The following FAM241B variants were observed in gnomAD, a reference collection of about 807,000 sequenced individuals.
FAM241B encodes protein FAM241B.
FAM241B carries 7 observed loss-of-function variants against 9.3 expected under a neutral mutation model. That is an observed-to-expected ratio of 0.75 (90% CI 0.43 to 1.41). FAM241B has a LOEUF of 1.41. FAM241B is among the 40% of genes most tolerant of loss of function. The pLI, the probability that FAM241B is intolerant of heterozygous loss-of-function variation, is 0.01. For missense variants in FAM241B, 136 were observed against 159.6 expected, an observed-to-expected ratio of 0.85 and a Z score of 0.80; for synonymous variants, 60 against 64.1, an observed-to-expected ratio of 0.94 and a Z score of 0.31.
Position 69,631,787 on chromosome 10 carries a change from AC to A in FAM241B, c.49del (p.Arg17GlufsTer2), listed in dbSNP as rs746144154. Reference protein sequence around the residue: ...LANGEIVQDDDPRVRTTTQPP... With the variant: ...LANGEIVQDDXPRVRTTTQPP... Reference sequence around the variant, plus strand: ...AATGGGGAAATCGTGCAGGATGACGACCCCCGAGTGAGGACCACTACCCAGC... The same window carrying A: ...AATGGGGAAATCGTGCAGGATGACGACCCCGAGTGAGGACCACTACCCAGC... On this transcript the variant is annotated frameshift_variant, in exon 3 of 4. Transcript: ENST00000373279. LOFTEE classifies it high-confidence loss of function. 6.8e-6 allele frequency: 11 copies of A among 1,612,780 alleles called. No individual in the cohort carries two copies. Among genetic ancestry groups the A allele is most frequent in the South Asian group, 1.1e-5 (1 of 90,508 alleles).
At chr10:69,632,372 C>T (rs1050748397) in intron 3 of FAM241B, among the ~76,000 whole-genome samples, 1 of 148,748 alleles carries the variant, frequency 6.7e-6, no homozygotes. Flanking sequence ...GCAGGAGAAT[C>T]GCTTGAACCT....
chr10:69,630,571 G>A (rs1839799768), intron 1 of FAM241B: 1 of 1,182,348 alleles, frequency 8.5e-7, no homozygotes, highest in Non-Finnish European at 1.1e-6. Flanking sequence ...TCAGGAGGGG[G>A]ACGCGCCTGT....
chr10:69,630,978 A>C (rs1315463396), intron 1 of FAM241B, among the ~76,000 whole-genome samples: 2 of 151,554 alleles, frequency 1.3e-5, no homozygotes, highest in African/African-American at 4.8e-5. Flanking sequence ...AGTGACCCTC[A>C]TCTCCCTGGG....
chr10:69,633,189 T>C lies in FAM241B; in HGVS notation c.*130T>C. The C allele has an allele frequency of 7.5e-7, 1 of 1,339,878 alleles. No homozygotes were observed. The highest frequency in any genetic ancestry group is 1.0e-6 in the Non-Finnish European group (1 of 972,626). 83.0% of individuals were successfully genotyped at this position (1,339,878 alleles called of 1,614,324 possible). ...TCAGAGAGGGGACCACAGGTGTGTG[T>C]TTCCCCTTTGTGTTAAGCGTGAGGC... On this transcript the variant is annotated 3_prime_UTR_variant, in exon 4 of 4. Transcript: ENST00000373279.
At position 69,633,076 on chromosome 10, in the gene FAM241B, G is replaced by A. The variant is rs769181998; in HGVS notation, c.*17G>A. ...CAGCGGTGACCTCTGAGGGCTGATA[G>A]GGGTGGGTTTGTTGAGAGGGACTTG... is the stretch of plus-strand genomic sequence containing the variant. On this transcript the variant is annotated 3_prime_UTR_variant, in exon 4 of 4. Transcript: ENST00000373279. The A allele has an allele frequency of 1.2e-6, 2 of 1,613,358 alleles. No homozygotes were observed. Among genetic ancestry groups the A allele is most frequent in the South Asian group, 2.2e-5 (2 of 91,068 alleles).
chr10:69,632,100 A>G (rs772520771), intron 3 of FAM241B, among the ~76,000 whole-genome samples: 3 of 152,084 alleles, frequency 2.0e-5, no homozygotes, highest in Non-Finnish European at 4.4e-5. Context: ...CTTTCTTTTA[A>G]GAGTGGGTTG....
chr10:69,631,249 G>A (rs970883197), intron 1 of FAM241B, among the ~76,000 whole-genome samples: 3 of 152,218 alleles, frequency 2.0e-5, no homozygotes, highest in Non-Finnish European at 2.9e-5. Context: ...TACCCTCCTC[G>A]GGGGAGTGTT....
At chr10:69,631,991 A>C in intron 3 of FAM241B, 152 bp downstream of exon 3, 1 of 965,872 alleles carries the variant, frequency 1.0e-6, no homozygotes, top group South Asian at 1.8e-5. Context: ...CTTATTGTCT[A>C]CCTCCCCAGA....
chr10:69,631,981 C>T (rs941090698), intron 3 of FAM241B, 142 bp downstream of exon 3: 14 of 582,490 alleles, frequency 2.4e-5, no homozygotes, highest in Non-Finnish European at 3.8e-5. Context: ...GATGCAGTGG[C>T]TTATTGTCTA....
chr10:69,631,329 A>G (rs1286400128), intron 1 of FAM241B, among the ~76,000 whole-genome samples, 151 bp from the exon 2 acceptor site: 1 of 152,256 alleles, frequency 6.6e-6, no homozygotes, highest in Non-Finnish European at 1.5e-5. Context: ...CAGAGGCTCT[A>G]GTCCCAGTTG....
In FAM241B at chr10:69,633,358, T is replaced by C; in HGVS notation, c.*299T>C. 2.3e-6 allele frequency: 1 copy of C among 443,090 alleles called. No individual in the cohort carries two copies. Among genetic ancestry groups the C allele is most frequent in the South Asian group, 2.7e-5 (1 of 36,452 alleles). The allele number at this position is 443,090 out of a possible 1,614,324, so 27.4% of individuals were successfully genotyped here. ...CCCTTCCCAATTCTCTCAATCCTTT[T>C]ATGCCGAGAAGATCTCAGCTGGATG... On this transcript the variant is annotated 3_prime_UTR_variant, in exon 4 of 4. Transcript: ENST00000373279.
chr10:69,633,167 G>A lies in FAM241B; in HGVS notation c.*108G>A. On this transcript the variant is annotated 3_prime_UTR_variant, in exon 4 of 4. Coordinates refer to ENST00000373279, the MANE Select transcript of FAM241B (RefSeq NM_145306.3). The stretch of plus-strand genomic sequence containing the variant: ...TGGTGGTGCCTTGAAGGTATGATCA[G>A]AGAGGGGACCACAGGTGTGTGTTTC... The A allele has an allele frequency of 9.0e-6, 13 of 1,451,348 alleles. No homozygotes were observed. Among genetic ancestry groups the A allele is most frequent in the Non-Finnish European group, 1.2e-5 (13 of 1,062,952 alleles). 89.9% of individuals were successfully genotyped at this position (1,451,348 alleles called of 1,614,324 possible).
rs755696472 is a variant in FAM241B, at chr10:69,631,515, A to G, written c.-68A>G. 5 of 1,539,058 alleles carry G rather than the reference A, an allele frequency of 3.2e-6. No individual in the cohort carries two copies. In the South Asian group the frequency reaches 6.0e-5, roughly 19 times the overall value. On this transcript the variant is annotated 5_prime_UTR_variant, in exon 2 of 4. Transcript: ENST00000373279. ...TACTCAGCGTGGGTCACCTCTGTGA[A>G]CATCACTGACTGCAAGCCTCCCTCA...
At chr10:69,630,950 G>A (rs7919671) in intron 1 of FAM241B, among the ~76,000 whole-genome samples, 2 of 152,200 alleles carry the variant, frequency 1.3e-5, no homozygotes, top group African/African-American at 4.8e-5. Flanking sequence ...CCAGGCAGTG[G>A]TTGTAAAGTA....
chr10:69,631,551 A>C lies in FAM241B; in HGVS notation c.-36+4A>C. On this transcript the variant is annotated splice_donor_region_variant and intron_variant, in intron 2 of 3. Transcript: ENST00000373279. ...TGCAAGCCTCCCTCAATTTCTGGTA[A>C]ATTTTTTCCTTCAAGCTTTTTGAGG... 6.5e-7 allele frequency: 1 copy of C among 1,545,948 alleles called. No homozygotes were observed. Among genetic ancestry groups the C allele is most frequent in the East Asian group, 2.5e-5 (1 of 40,770 alleles).
At position 69,633,224 on chromosome 10, in the gene FAM241B, C is replaced by T. The variant is rs41305047; in HGVS notation, c.*165C>T. On this transcript the variant is annotated 3_prime_UTR_variant, in exon 4 of 4. Transcript: ENST00000373279. ...GTGTTAAGCGTGAGGCAGAGGGAGA[C>T]GTTAGTCCAGCATTTCCAAAGTGTG... is the stretch of plus-strand genomic sequence containing the variant. 0.21 allele frequency: 218,017 copies of T among 1,050,872 alleles called. 24,814 individuals carry two copies. The highest frequency in any genetic ancestry group is 0.25 in the South Asian group (16,333 of 64,104). 65.1% of individuals were successfully genotyped at this position (1,050,872 alleles called of 1,614,324 possible).
intron 1 of FAM241B, among the ~76,000 whole-genome samples, chr10:69,630,902 C>T (rs1468163812): frequency 6.6e-6 from 1 of 152,190 alleles, no homozygotes; most frequent in African/African-American, 2.4e-5. Context: ...AAGGTGTGCT[C>T]TTCCGAGGCG....
chr10:69,631,417 A>G (rs1395120897), intron 1 of FAM241B, 63 bp from the exon 2 acceptor site: 8 of 1,312,302 alleles, frequency 6.1e-6, no homozygotes, highest in Non-Finnish European at 8.2e-6. Flanking sequence ...GGTGGACTCA[A>G]TGTCTGAAAT....
chr10:69,633,114 G>T lies in FAM241B; in HGVS notation c.*55G>T. On this transcript the variant is annotated 3_prime_UTR_variant, in exon 4 of 4. Coordinates refer to ENST00000373279, the MANE Select transcript of FAM241B (RefSeq NM_145306.3). ...TGAGAGGGACTTGCTGGGCCTTGGT[G>T]TGAGAGCAGGCATATTTGGAGGGGA... The T allele has an allele frequency of 6.3e-7, 1 of 1,597,494 alleles. No individual in the cohort carries two copies. The highest frequency in any genetic ancestry group is 2.2e-5 in the East Asian group (1 of 44,758).
Sources: allele counts gnomAD v4.1 joint callset (sites outside exome capture counted in the v4.1 genomes callset), GRCh38; gene constraint gnomAD v4.1.1; transcripts MANE v1.5; gene names NCBI Gene and HGNC (gene_info 2026-07-23, HGNC 2026-07-21).